STAB1: variants seen among roughly 807,000 people sequenced by gnomAD.
The protein encoded by STAB1 is stabilin 1.
Under a neutral mutation model 332.4 loss-of-function variants are expected in STAB1, and 250 were observed. The ratio of observed to expected loss-of-function variants is 0.75; its 90% CI spans 0.68 to 0.84. The LOEUF (loss-of-function observed/expected upper bound fraction) is 0.84. Among genes scored for constraint, STAB1 ranks in the 40% least tolerant of loss-of-function variants. The pLI is 0.00. For missense variants in STAB1, 3,249 were observed against 3,489.7 expected, an observed-to-expected ratio of 0.93 and a Z score of 1.74; for synonymous variants, 1,475 against 1,390.4, an observed-to-expected ratio of 1.06 and a Z score of -1.35.
At chr3:52,518,485 G>GGAC in intron 46 of STAB1, 51 bp from the exon 47 acceptor site, 1 of 1,562,122 alleles carries the variant, frequency 6.4e-7, no homozygotes, top group South Asian at 1.2e-5. Context: ...GGAGATCCAT[G>GGAC]GACGCCTCAG....
intron 25 of STAB1, among the ~76,000 whole-genome samples, chr3:52,510,743 T>C (rs1294053087): frequency 6.6e-6 from 1 of 152,134 alleles, no homozygotes; most frequent in Non-Finnish European, 1.5e-5. Flanking sequence ...GTTCTAGATG[T>C]AGGGAATGTG....
Position 52,503,501 on chromosome 3 carries a change from C to G in STAB1, c.852C>G (p.Pro284=). The G allele has an allele frequency of 6.2e-7, 1 of 1,613,676 alleles. No homozygotes were observed. Among genetic ancestry groups the G allele is most frequent in the South Asian group, 1.1e-5 (1 of 91,088 alleles). ...GCACTGACAACCTTGGTGGCTGCCC[C>G]AGCAACTCTACTTTGTGTGTGTACC... ...DPCTDNLGGC[P]SNSTLCVYQK... is the part of the protein sequence containing the mutation. Residue 284 remains proline, a synonymous_variant, in exon 8 of 69, where the codon CCC becomes CCG. Coordinates refer to ENST00000321725, the MANE Select transcript of STAB1 (RefSeq NM_015136.3).
At position 52,522,638 on chromosome 3, in the gene STAB1, GC is replaced by G; in HGVS notation, c.6695del (p.Ala2232AspfsTer51). On this transcript the variant is annotated frameshift_variant, in exon 61 of 69. Coordinates refer to ENST00000321725, the MANE Select transcript of STAB1 (RefSeq NM_015136.3). LOFTEE classifies it high-confidence loss of function. ...TTCGGAGGCTGAGGCGGCATGCGAA[GC>G]ACAGGGAGCCGTCCTTGCTTCATTC... Reference protein sequence around the residue: ...NFSEAEAACEAQGAVLASFPQ... With the variant: ...NFSEAEAACEXQGAVLASFPQ... 1.2e-6 allele frequency: 2 copies of G among 1,612,982 alleles called. No individual in the cohort carries two copies. Among genetic ancestry groups the G allele is most frequent in the South Asian group, 2.2e-5 (2 of 91,090 alleles).
chr3:52,501,885 C>A, intron 3 of STAB1, 121 bp from the exon 4 acceptor site: 1 of 1,419,140 alleles, frequency 7.0e-7, no homozygotes, highest in Non-Finnish European at 9.8e-7. Context: ...GCCTCCAAGG[C>A]TCGGCCCCCT....
chr3:52,518,297 C>A lies in STAB1; in HGVS notation c.4762-15C>A, dbSNP rs377516531. The A allele has an allele frequency of 1.1e-5, 17 of 1,612,422 alleles. No individual in the cohort carries two copies. In the African/African-American group the frequency reaches 2.1e-4, roughly 20 times the overall value. On this transcript the variant is annotated splice_polypyrimidine_tract_variant and intron_variant, in intron 45 of 68. Coordinates refer to ENST00000321725, the MANE Select transcript of STAB1 (RefSeq NM_015136.3). ...GGGGGCCGCCCCAAATCTGAGCTGA[C>A]CCTCGCCCCCCCAGGAGCTCCTGAG...
chr3:52,504,251 G>A (rs535191943), intron 10 of STAB1, 96 bp downstream of exon 10: 555 of 1,512,180 alleles, frequency 3.7e-4, no homozygotes, highest in Non-Finnish European at 4.7e-4. Context: ...CAGTTTCTCT[G>A]CCCAGGGCTG....
rs1337506573 is a variant in STAB1 at position 52,508,043 on chromosome 3, G to T, written c.2148+17G>T. ...ACCATCATGGTAAGCGTGGGCATGG[G>T]TGCCCACTCCCAGGTCACCTGGGCA... is the stretch of plus-strand genomic sequence containing the variant. On this transcript the variant is annotated intron_variant, in intron 20 of 68. Coordinates refer to ENST00000321725, the MANE Select transcript of STAB1 (RefSeq NM_015136.3). 2.5e-6 allele frequency: 4 copies of T among 1,606,458 alleles called. No individual in the cohort carries two copies. In the African/African-American group the frequency reaches 4.0e-5, roughly 16 times the overall value.
In STAB1 at chr3:52,518,876, C is replaced by G. The variant is rs865775455; in HGVS notation, c.5034+7C>G. On this transcript the variant is annotated splice_region_variant and intron_variant, in intron 48 of 68. Transcript: ENST00000321725. ...GCGCTTCAGCGAGAGGGAGGTGAGC[C>G]CTGGCCCTGGCCTGCCCCGCTCCAT... 6.5e-7 allele frequency: 1 copy of G among 1,547,966 alleles called. No individual in the cohort carries two copies. The highest frequency in any genetic ancestry group is 2.2e-4 in the Middle Eastern group (1 of 4,636).
intron 3 of STAB1, 30 bp downstream of exon 3, chr3:52,501,783 G>T: frequency 6.5e-7 from 1 of 1,541,730 alleles, no homozygotes; most frequent in Non-Finnish European, 8.8e-7. Context: ...CCCGCCTTGC[G>T]CCTCCCACCC....
chr3:52,522,330 A>G lies in STAB1; in HGVS notation c.6466A>G (p.Asn2156Asp). 6.2e-7 allele frequency: 1 copy of G among 1,612,876 alleles called. No individual in the cohort carries two copies. Among genetic ancestry groups the G allele is most frequent in the Non-Finnish European group, 8.5e-7 (1 of 1,179,996 alleles). ...CGCCCACTGCTCTCTCCAACCCCAG[A>G]ACACACGGCGCTGTGAGTGCCACGC... ...EHANCLSTGL[N>D]TRRCECHAGY... is the part of the protein sequence containing the mutation. The change falls in exon 60 of 69, where the codon AAC becomes GAC. Residue 2156 changes from asparagine (N) to aspartate (D), a missense_variant and splice_region_variant. Coordinates refer to ENST00000321725, the MANE Select transcript of STAB1 (RefSeq NM_015136.3).
In STAB1 at chr3:52,512,358, G is replaced by T. The variant is rs766038223; in HGVS notation, c.2901G>T (p.Val967=). The part of the protein sequence containing the change: ...GCHGLATCRA[V]GGGQRVCTCP... The stretch of plus-strand genomic sequence containing the variant: ...CACCCCAGGCCACCTGCCGGGCAGT[G>T]GGGGGAGGTCAGCGGGTCTGCACGT... The change falls in exon 27 of 69, where the codon GTG becomes GTT. Residue 967 remains valine (V), a synonymous_variant. Coordinates refer to ENST00000321725, the MANE Select transcript of STAB1 (RefSeq NM_015136.3). 1.2e-6 allele frequency: 2 copies of T among 1,612,572 alleles called. No individual in the cohort carries two copies. Among genetic ancestry groups the T allele is most frequent in the South Asian group, 1.1e-5 (1 of 91,002 alleles).
At chr3:52,517,144 G>T in intron 42 of STAB1, 35 bp downstream of exon 42, 1 of 1,518,498 alleles carries the variant, frequency 6.6e-7, no homozygotes, top group Non-Finnish European at 8.8e-7. Flanking sequence ...TTTATGTTGG[G>T]CTAGGGGTCT....
At chr3:52,496,854 C>T (rs560440563) in intron 1 of STAB1, among the ~76,000 whole-genome samples, 1 of 152,234 alleles carries the variant, frequency 6.6e-6, no homozygotes, top group Non-Finnish European at 1.5e-5. Context: ...TCTAACACAG[C>T]TACGTGGCCT....
chr3:52,511,792 A>G (rs747282548), intron 26 of STAB1, 47 bp downstream of exon 26: 1 of 1,454,710 alleles, frequency 6.9e-7, no homozygotes, highest in South Asian at 1.3e-5. Flanking sequence ...TTCTGGGGTG[A>G]GCCTGGGCTG....
Position 52,523,732 on chromosome 3 carries a change from C to G in STAB1, c.7371C>G (p.Ser2457Arg), listed in dbSNP as rs528358415. Residue 2457 changes from serine (S) to arginine (R), a missense_variant, in exon 66 of 69, where the codon AGC becomes AGG. Physicochemically the swap from Ser to Arg is moderately radical, Grantham distance 110. Coordinates refer to ENST00000321725, the MANE Select transcript of STAB1 (RefSeq NM_015136.3). ...ATGGCATCATCCATGCTCTGGCCAG[C>G]CCCCTCCTGGCACCCCCACAGCCCG... ...AFNGIIHALA[S>R]PLLAPPQPQA... 4 of 1,600,134 alleles carry G rather than the reference C, an allele frequency of 2.5e-6. No individual in the cohort carries two copies. In the South Asian group the frequency reaches 3.3e-5, roughly 13 times the overall value.
chr3:52,506,688 G>T lies in STAB1; in HGVS notation c.1831-4G>T, dbSNP rs764463216. On this transcript the variant is annotated splice_polypyrimidine_tract_variant and splice_region_variant and intron_variant, in intron 17 of 68. Coordinates refer to ENST00000321725, the MANE Select transcript of STAB1 (RefSeq NM_015136.3). The stretch of plus-strand genomic sequence containing the variant: ...GGGGTTGGCTCAGTGGGTCTCTGCC[G>T]CAGGGGCGCATCCTGCTGGGACCCG... 19 of 1,605,880 alleles carry T rather than the reference G, an allele frequency of 1.2e-5. No individual in the cohort carries two copies. Among genetic ancestry groups the T allele is most frequent in the East Asian group, 2.2e-5 (1 of 44,638 alleles).
In STAB1 at chr3:52,520,925, G is replaced by A. The variant is rs745417704; in HGVS notation, c.5828G>A (p.Gly1943Asp). The change falls in exon 55 of 69, where the codon GGC becomes GAC. Residue 1943 changes from glycine to aspartate, a missense_variant. Gly to Asp is a moderately conservative substitution (Grantham distance 94). Transcript: ENST00000321725. ...PSLWGRPQGL[G>D]RGCHRNCVTT... ...CTTTGGGGTAGGCCCCAAGGCCTGG[G>A]CAGGGGCTGCCACCGCAATTGTGTC... 20 of 1,596,942 alleles carry A rather than the reference G, an allele frequency of 1.3e-5. No homozygotes were observed. The highest frequency in any genetic ancestry group is 6.7e-5 in the East Asian group (3 of 44,696).
rs377410582 is a variant in STAB1 at position 52,521,950 on chromosome 3, A to G, written c.6270A>G (p.Thr2090=). The G allele has an allele frequency of 9.3e-6, 15 of 1,607,662 alleles. No individual in the cohort carries two copies. Among genetic ancestry groups the G allele is most frequent in the East Asian group, 2.2e-5 (1 of 44,764 alleles). Reference sequence around the variant, plus strand: ...ATGAAGGGGATGGCCGTGTGTGTACAGGTAAGCAGATGGGCGGGGACATGG... The same window carrying G: ...ATGAAGGGGATGGCCGTGTGTGTACGGGTAAGCAGATGGGCGGGGACATGG... ...LGYEGDGRVC[T]VADLCQDGHG... The change falls in exon 58 of 69, where the codon ACA becomes ACG. Residue 2090 remains threonine (T), a splice_region_variant and synonymous_variant. Transcript: ENST00000321725.
At chr3:52,521,262 T>C (rs2079062798) in intron 55 of STAB1, 99 bp from the exon 56 acceptor site, 2 of 1,532,726 alleles carry the variant, frequency 1.3e-6, no homozygotes, top group Non-Finnish European at 1.8e-6. Context: ...TGGGCGGACA[T>C]AGGTCAGGGA....
Sources: allele counts gnomAD v4.1 joint callset (sites outside exome capture counted in the v4.1 genomes callset), GRCh38; gene constraint gnomAD v4.1.1; transcripts MANE v1.5; gene names NCBI Gene and HGNC (gene_info 2026-07-23, HGNC 2026-07-21).